The following EPHA7 variants were observed in gnomAD, a reference collection of about 807,000 sequenced individuals.
EPHA7 encodes EPH receptor A7, also known as ephrin type-A receptor 7.
Under a neutral mutation model 112.6 loss-of-function variants are expected in EPHA7, and 25 were observed. The observed-to-expected ratio is 0.22, with a 90% confidence interval of 0.16 to 0.31. EPHA7 has a LOEUF of 0.31. EPHA7 is among the 10% of genes least tolerant of loss of function. The pLI is 1.00. For missense variants in EPHA7, 962 were observed against 1,212.6 expected (o/e 0.79, Z 3.07); for synonymous variants, 437 against 406.5 (o/e 1.07, Z -0.90).
chr6:93,271,424 G>A (rs1219382795), intron 6 of EPHA7, among the ~76,000 whole-genome samples: 3 of 151,762 alleles, frequency 2.0e-5, no homozygotes, highest in Admixed American at 1.3e-4. Context: ...ATGGTTATGT[G>A]TATTATAGCA....
chr6:93,283,456 A>T (rs576698786), intron 5 of EPHA7, among the ~76,000 whole-genome samples: 13 of 152,148 alleles, frequency 8.5e-5, no homozygotes, highest in African/African-American at 2.9e-4. Context: ...TTTGTGATAA[A>T]TCTTGCTGCT....
chr6:93,346,683 G>A (rs1025807789), intron 5 of EPHA7, among the ~76,000 whole-genome samples: 7 of 151,624 alleles, frequency 4.6e-5, no homozygotes, highest in African/African-American at 1.7e-4. Flanking sequence ...TTTTATTTAA[G>A]TTCCTCCTGT....
chr6:93,282,807 G>T lies in EPHA7; in HGVS notation c.1325-10385C>A, dbSNP rs546577268. Among the ~76,000 whole-genome samples the T allele has an allele frequency of 2.6e-4, 40 of 152,230 alleles. No homozygotes were observed. In the East Asian group the frequency reaches 7.6e-3, roughly 29 times the overall value. ...ACCTGGGCCAGCAGCTGCTGTGGTC[G>T]ATTTCTCCCCCGGCCTTAGCTGCCT... On this transcript the variant is annotated intron_variant, in intron 5 of 16. Coordinates refer to ENST00000369303, the MANE Select transcript of EPHA7 (RefSeq NM_004440.4).
chr6:93,379,202 C>A (rs1777213548), intron 3 of EPHA7, among the ~76,000 whole-genome samples: 1 of 152,008 alleles, frequency 6.6e-6, no homozygotes, highest in South Asian at 2.1e-4. Context: ...TGCTTTAATA[C>A]AGACTTACTC....
intron 3 of EPHA7, among the ~76,000 whole-genome samples, chr6:93,395,401 C>T (rs1388829104): frequency 6.6e-6 from 1 of 151,730 alleles, no homozygotes; most frequent in Non-Finnish European, 1.5e-5. Flanking sequence ...CATTTAGAGA[C>T]AGAAGAAAGC....
At chr6:93,273,687 T>A in intron 5 of EPHA7, among the ~76,000 whole-genome samples, 1 of 151,990 alleles carries the variant, frequency 6.6e-6, no homozygotes. Context: ...CTCAACAAAC[T>A]GTGTTTACAG....
chr6:93,388,078 A>C (rs79987536), intron 3 of EPHA7, among the ~76,000 whole-genome samples: 2,853 of 152,274 alleles, frequency 0.019, 35 homozygotes, highest in Non-Finnish European at 0.029. Flanking sequence ...TAGTCCACCA[A>C]CAAAAGATGA....
chr6:93,325,550 A>G (rs1774278225), intron 5 of EPHA7, among the ~76,000 whole-genome samples: 1 of 151,330 alleles, frequency 6.6e-6, no homozygotes, highest in Admixed American at 6.6e-5. Flanking sequence ...CACCTTCTAC[A>G]TTTTCTAATC....
intron 5 of EPHA7, among the ~76,000 whole-genome samples, chr6:93,284,050 A>G (rs190934180): frequency 5.9e-5 from 9 of 152,336 alleles, no homozygotes; most frequent in African/African-American, 1.7e-4. Flanking sequence ...TCCATATTAT[A>G]CCATTAATTT....
At chr6:93,400,175 T>C (rs1778371221) in intron 3 of EPHA7, among the ~76,000 whole-genome samples, 1 of 152,076 alleles carries the variant, frequency 6.6e-6, no homozygotes, top group African/African-American at 2.4e-5. Flanking sequence ...ATGTAGAAGA[T>C]ATTATGAAAC....
At chr6:93,303,417 G>A (rs78902734) in intron 5 of EPHA7, among the ~76,000 whole-genome samples, 38 of 152,166 alleles carry the variant, frequency 2.5e-4, no homozygotes, top group African/African-American at 8.9e-4. Context: ...TGGGAAGGGG[G>A]TAGATAGAAA....
At position 93,410,826 on chromosome 6, in the gene EPHA7, A is replaced by G. The variant is rs764304184; in HGVS notation, c.507T>C (p.Thr169=). Residue 169 remains threonine (T), a synonymous_variant, in exon 3 of 17, where the codon ACT becomes ACC. Coordinates refer to ENST00000369303, the MANE Select transcript of EPHA7 (RefSeq NM_004440.4). This position sits in a 1 kb window ranked among gnomAD's most constrained non-coding sequence, Gnocchi z 4.0. ...DLGERKMKLN[T]EVREIGPLSK... ...ACAAAGGTCCAATCTCTCTCACCTC[A>G]GTGTTAAGCTTCATCTTTCTTTCAC... The G allele has an allele frequency of 2.5e-6, 4 of 1,613,984 alleles. No homozygotes were observed. In the South Asian group the frequency reaches 3.3e-5, roughly 13 times the overall value.
intron 5 of EPHA7, among the ~76,000 whole-genome samples, chr6:93,318,025 G>A (rs921298763): frequency 2.6e-5 from 4 of 151,950 alleles, no homozygotes; most frequent in Admixed American, 1.3e-4. Context: ...ATATTATACT[G>A]CATAAAGTTC....
chr6:93,406,069 C>A (rs1778706225), intron 3 of EPHA7, among the ~76,000 whole-genome samples: 1 of 150,360 alleles, frequency 6.7e-6, no homozygotes. Flanking sequence ...TGATAGACCT[C>A]TTAACATTAA....
intron 5 of EPHA7, among the ~76,000 whole-genome samples, chr6:93,311,916 G>A (rs1773562800): frequency 6.6e-6 from 1 of 152,078 alleles, no homozygotes; most frequent in Admixed American, 6.6e-5. Flanking sequence ...GAGCTCTTGG[G>A]TAACCAGGTG....
chr6:93,360,448 G>A (rs1776204031), intron 3 of EPHA7, among the ~76,000 whole-genome samples: 2 of 152,100 alleles, frequency 1.3e-5, no homozygotes, highest in Admixed American at 6.6e-5. Context: ...AATAAGAGGT[G>A]TGTGCTGACA....
At chr6:93,244,430 C>T (rs553606024) in intron 16 of EPHA7, among the ~76,000 whole-genome samples, 203 of 152,180 alleles carry the variant, frequency 1.3e-3, no homozygotes, top group South Asian at 4.6e-3. Context: ...ATTGGAAAAA[C>T]GATGACAGTA....
rs1419564479 is a variant in EPHA7, at chr6:93,419,504, C to T, written c.-163G>A. 5.0e-6 allele frequency: 3 copies of T among 596,390 alleles called. No individual in the cohort carries two copies. Among genetic ancestry groups the T allele is most frequent in the East Asian group, 6.1e-5 (2 of 32,956 alleles). 36.9% of individuals were successfully genotyped at this position (596,390 alleles called of 1,614,324 possible). ...ACGTTTAGCTTTTTTTAATTTCCCCCCCACTCCTGTTCGCTCGCACCGTGT... is the reference window on the plus strand; with the variant it reads ...ACGTTTAGCTTTTTTTAATTTCCCCTCCACTCCTGTTCGCTCGCACCGTGT... On this transcript the variant is annotated 5_prime_UTR_variant, in exon 1 of 17. Coordinates refer to ENST00000369303, the MANE Select transcript of EPHA7 (RefSeq NM_004440.4).
intron 5 of EPHA7, among the ~76,000 whole-genome samples, chr6:93,275,286 T>C (rs1177033568): frequency 6.6e-6 from 1 of 151,754 alleles, no homozygotes; most frequent in African/African-American, 2.4e-5. Context: ...AGATAATAAA[T>C]AGTAACCAAC....
Sources: gnomAD v4.1 joint callset for allele counts (sites outside exome capture counted in the v4.1 genomes callset) on GRCh38, gnomAD v4.1.1 for gene constraint, Gnocchi (gnomAD v3.1) non-coding constraint, MANE v1.5 for transcripts, NCBI Gene and HGNC (gene_info 2026-07-23, HGNC 2026-07-21) for gene names.